Variants in ZNF407 observed in about 807,000 individuals in gnomAD.
ZNF407 encodes the protein zinc finger protein 407.
A neutral mutation model predicts 131.2 loss-of-function variants in ZNF407; 17 were observed. The ratio of observed to expected loss-of-function variants is 0.13; its 90% CI spans 0.09 to 0.19. ZNF407 has a LOEUF of 0.19. Among genes scored for constraint, ZNF407 ranks in the 10% least tolerant of loss-of-function variants. The probability of loss-of-function intolerance (pLI) is 1.00; values close to 1 mark genes in which losing one functional copy is unlikely to be tolerated. For synonymous variants in ZNF407, 1,156 were observed against 1,062.0 expected (o/e 1.09, Z -1.72); for missense variants, 2,681 against 2,830.6 (o/e 0.95, Z 1.20).
At chr18:74,853,582 C>A (rs1320641103) in intron 4 of ZNF407, among the ~76,000 whole-genome samples, 1 of 152,140 alleles carries the variant, frequency 6.6e-6, no homozygotes, top group Non-Finnish European at 1.5e-5. Flanking sequence ...TGCCTGTGAT[C>A]TTAACATTCA....
intron 4 of ZNF407, among the ~76,000 whole-genome samples, chr18:74,791,971 C>T (rs778428670): frequency 2.6e-5 from 4 of 152,152 alleles, no homozygotes; most frequent in African/African-American, 9.7e-5. Flanking sequence ...TAGTATTGCA[C>T]GTCGCATAGT....
chr18:74,962,616 T>C (rs143155617), intron 8 of ZNF407, among the ~76,000 whole-genome samples: 55 of 152,344 alleles, frequency 3.6e-4, no homozygotes, highest in Non-Finnish European at 6.0e-4. Context: ...ACGCCAAATA[T>C]GCCATGCCCA....
At chr18:74,723,260 T>C (rs544117740) in intron 3 of ZNF407, among the ~76,000 whole-genome samples, 1 of 152,370 alleles carries the variant, frequency 6.6e-6, no homozygotes, top group South Asian at 2.1e-4. Context: ...CTGAAGTCCT[T>C]TTAAAATAAT....
At chr18:74,977,895 T>C (rs1032302071) in intron 8 of ZNF407, among the ~76,000 whole-genome samples, 2 of 152,218 alleles carry the variant, frequency 1.3e-5, no homozygotes, top group Non-Finnish European at 2.9e-5. Flanking sequence ...ACTTTCTCCA[T>C]TTTTATTGGG....
intron 4 of ZNF407, among the ~76,000 whole-genome samples, chr18:74,832,145 G>A (rs992801632): frequency 6.6e-6 from 1 of 152,148 alleles, no homozygotes; most frequent in Non-Finnish European, 1.5e-5. Context: ...ACACCTTGAG[G>A]CATGATTTTC....
At chr18:74,865,078 A>G (rs1364367441) in intron 4 of ZNF407, among the ~76,000 whole-genome samples, 1 of 152,120 alleles carries the variant, frequency 6.6e-6, no homozygotes, top group Non-Finnish European at 1.5e-5. Context: ...CTCTGCTCCT[A>G]TCTTTGCGCA....
intron 3 of ZNF407, among the ~76,000 whole-genome samples, chr18:74,698,861 C>T (rs1181324959): frequency 6.6e-6 from 1 of 152,010 alleles, no homozygotes; most frequent in Admixed American, 6.6e-5. Context: ...TTAATTTGTT[C>T]CCCTCTTATT....
chr18:74,943,548 T>C (rs1239551012), intron 8 of ZNF407, among the ~76,000 whole-genome samples: 1 of 152,256 alleles, frequency 6.6e-6, no homozygotes, highest in Non-Finnish European at 1.5e-5. Context: ...GCTATTTAAA[T>C]TACCAGACTT....
chr18:74,814,372 G>T (rs1970239092), intron 4 of ZNF407, among the ~76,000 whole-genome samples: 1 of 152,008 alleles, frequency 6.6e-6, no homozygotes, highest in Admixed American at 6.6e-5. Context: ...TGATCCTCCT[G>T]CCTCAGCCTC....
chr18:74,924,854 G>A (rs577116426), intron 8 of ZNF407, among the ~76,000 whole-genome samples: 122 of 152,164 alleles, frequency 8.0e-4, no homozygotes, highest in African/African-American at 2.7e-3. Context: ...TATGCCTTAC[G>A]GCTCAAGGAG....
intron 3 of ZNF407, among the ~76,000 whole-genome samples, chr18:74,741,000 C>A (rs1161140301): frequency 6.6e-6 from 1 of 152,118 alleles, no homozygotes; most frequent in Non-Finnish European, 1.5e-5. Context: ...TGGCTGAGAA[C>A]CATTCTTTTG....
chr18:74,794,819 C>T (rs1297953798), intron 4 of ZNF407, among the ~76,000 whole-genome samples: 1 of 152,124 alleles, frequency 6.6e-6, no homozygotes, highest in Non-Finnish European at 1.5e-5. Context: ...GCATACGATG[C>T]TTAATAACTT....
chr18:74,920,919 TA>T, intron 8 of ZNF407: 1 of 1,218,394 alleles, frequency 8.2e-7, no homozygotes, highest in South Asian at 4.1e-5. Flanking sequence ...ACAGAGTAAT[TA>T]TTTGATGACT....
chr18:74,701,884 T>A (rs2144823396), intron 3 of ZNF407, among the ~76,000 whole-genome samples: 1 of 152,320 alleles, frequency 6.6e-6, no homozygotes, highest in East Asian at 1.9e-4. Flanking sequence ...TAAGCCCTTA[T>A]AAATAAATAA....
chr18:74,975,071 T>C (rs1278547070), intron 8 of ZNF407, among the ~76,000 whole-genome samples: 1 of 152,258 alleles, frequency 6.6e-6, no homozygotes, highest in Non-Finnish European at 1.5e-5. Context: ...TCAGTCTTTA[T>C]GTAAAGCGTA....
intron 5 of ZNF407, among the ~76,000 whole-genome samples, chr18:74,878,607 C>A (rs1971193018): frequency 6.6e-6 from 1 of 151,866 alleles, no homozygotes; most frequent in African/African-American, 2.4e-5. Flanking sequence ...TAGTCTGCAC[C>A]ATAATGAGAG....
intron 3 of ZNF407, among the ~76,000 whole-genome samples, chr18:74,689,304 A>T (rs1967166916): frequency 6.6e-6 from 1 of 152,208 alleles, no homozygotes. Flanking sequence ...TCTGCTATAT[A>T]AAAATACATG....
chr18:74,865,476 C>A (rs1191387399), intron 4 of ZNF407, among the ~76,000 whole-genome samples: 2 of 152,106 alleles, frequency 1.3e-5, no homozygotes, highest in Admixed American at 1.3e-4. Flanking sequence ...ATACTTAATG[C>A]CAAATATAAA....
chr18:74,835,856 A>G (rs1429873923), intron 4 of ZNF407, among the ~76,000 whole-genome samples: 1 of 152,162 alleles, frequency 6.6e-6, no homozygotes, highest in Non-Finnish European at 1.5e-5. Flanking sequence ...ACATTCTAGG[A>G]GACAAGTGAG....
Sources: gnomAD v4.1 joint callset for allele counts (sites outside exome capture counted in the v4.1 genomes callset) on GRCh38, gnomAD v4.1.1 for gene constraint, MANE v1.5 for transcripts, NCBI Gene and HGNC (gene_info 2026-07-23, HGNC 2026-07-21) for gene names.